Variants in PLCG1 observed in about 807,000 individuals in gnomAD.
PLCG1 encodes 1-phosphatidylinositol 4,5-bisphosphate phosphodiesterase gamma-1.
A neutral mutation model predicts 177.8 loss-of-function variants in PLCG1; 71 were observed. That is an observed-to-expected ratio of 0.40 (90% CI 0.33 to 0.49). The LOEUF (loss-of-function observed/expected upper bound fraction) is 0.49. Ranked by LOEUF, PLCG1 falls within the 20% of genes least tolerant of loss-of-function variation. The pLI is 0.72. For synonymous variants in PLCG1, 658 were observed against 647.9 expected (o/e 1.02, Z -0.24); for missense variants, 1,281 against 1,709.0 (o/e 0.75, Z 4.42).
At chr20:41,139,234 C>T (rs985196923) in intron 1 of PLCG1, among the ~76,000 whole-genome samples, 5 of 152,196 alleles carry the variant, frequency 3.3e-5, no homozygotes, top group Admixed American at 2.6e-4. Flanking sequence ...CCCACTGACC[C>T]TGTCAGCCAT....
Position 41,162,691 on chromosome 20 carries a change from T to G in PLCG1, c.647T>G (p.Leu216Arg). 6.2e-7 allele frequency: 1 copy of G among 1,613,934 alleles called. No homozygotes were observed. Residue 216 changes from leucine to arginine, a missense_variant, in exon 6 of 32, where the codon CTG becomes CGG. Leu to Arg is a moderately radical substitution (Grantham distance 102). Around this residue, in one of 4 missense-constraint regions of PLCG1, gnomAD observed 374 missense variants for 443.8 expected, o/e 0.84. Transcript: ENST00000685551. The part of the protein sequence containing the change: ...GDITYGQFAQ[L>R]YRSLMYSAQK... ...ATCACCTACGGGCAGTTTGCTCAGC[T>G]GTACCGCAGCCTCATGTACAGCGCC...
intron 1 of PLCG1, among the ~76,000 whole-genome samples, chr20:41,143,990 C>T (rs1344895392): frequency 2.6e-5 from 4 of 152,236 alleles, no homozygotes; most frequent in South Asian, 4.1e-4. Flanking sequence ...CTCCAACAAC[C>T]TGGGCTAGGA....
intron 1 of PLCG1, among the ~76,000 whole-genome samples, chr20:41,139,159 CCAGATCTGACA>C (rs1224647103): frequency 6.6e-6 from 1 of 152,186 alleles, no homozygotes; most frequent in Non-Finnish European, 1.5e-5. Context: ...GCTACAAACT[CCAGATCTGACA>C]CAGATCTAAT....
Position 41,164,157 on chromosome 20 carries a change from A to C in PLCG1, c.1173A>C (p.Ser391=). ...CCCTTACCACCAAGATCAAGTTCTC[A>C]GATGTCCTGCACACCATCAAGGAGC... ...GHTLTTKIKF[S]DVLHTIKEHA... The change falls in exon 12 of 32, where the codon TCA becomes TCC. Residue 391 remains serine (S), a synonymous_variant. Coordinates refer to ENST00000685551, the MANE Select transcript of PLCG1 (RefSeq NM_002660.3). The surrounding 1 kb of genome is among the most constrained non-coding windows in gnomAD (Gnocchi z 6.4). 10 of 1,614,054 alleles carry C rather than the reference A, an allele frequency of 6.2e-6. No homozygotes were observed. Among genetic ancestry groups the C allele is most frequent in the Non-Finnish European group, 8.5e-6 (10 of 1,179,958 alleles).
At chr20:41,149,632 C>G (rs999969540) in intron 1 of PLCG1, among the ~76,000 whole-genome samples, 5 of 152,094 alleles carry the variant, frequency 3.3e-5, no homozygotes, top group African/African-American at 1.2e-4. Flanking sequence ...GGCTAGAGAC[C>G]TGTTTGTGAA....
Position 41,166,108 on chromosome 20 carries a change from G to A in PLCG1, c.1800-86G>A. 1 of 1,218,478 alleles carries A rather than the reference G, an allele frequency of 8.2e-7. No individual in the cohort carries two copies. Among genetic ancestry groups the A allele is most frequent in the Non-Finnish European group, 1.2e-6 (1 of 850,256 alleles). 75.5% of individuals were successfully genotyped at this position (1,218,478 alleles called of 1,614,324 possible). A position where few individuals can be genotyped will look rare whatever the true frequency, so the allele number is the denominator to read the frequency against. The stretch of plus-strand genomic sequence containing the variant: ...CCTCCCTCCTTGAGGCTCCCTCCTT[G>A]AGTTCCACCCTCATTTGGGGTGGAA... On this transcript the variant is annotated intron_variant, in intron 16 of 31. Transcript: ENST00000685551. This position sits in a 1 kb window ranked among gnomAD's most constrained non-coding sequence, Gnocchi z 8.6.
rs1208880048 is a variant in PLCG1 at position 41,146,664 on chromosome 20, A to G, written c.217+8806A>G. 6.6e-6 allele frequency among the ~76,000 whole-genome samples: 1 copy of G among 152,162 alleles called. No homozygotes were observed. The highest frequency in any genetic ancestry group is 1.5e-5 in the Non-Finnish European group (1 of 68,024). On this transcript the variant is annotated intron_variant, in intron 1 of 31. Transcript: ENST00000685551. The surrounding 1 kb of genome is among the most constrained non-coding windows in gnomAD (Gnocchi z 6.3). The stretch of plus-strand genomic sequence containing the variant: ...TGGGGTTGGCTTCCTGTTTTCTTGG[A>G]CACCTGGGGATATGGTTGAGTTAAA...
Position 41,173,869 on chromosome 20 carries a change from G to A in PLCG1, c.3557-54G>A. The A allele has an allele frequency of 6.2e-7, 1 of 1,609,278 alleles. No homozygotes were observed. On this transcript the variant is annotated intron_variant, in intron 29 of 31. Coordinates refer to ENST00000685551, the MANE Select transcript of PLCG1 (RefSeq NM_002660.3). The surrounding 1 kb of genome is among the most constrained non-coding windows in gnomAD (Gnocchi z 6.2). ...GCAATCTTGCTGGCAGGGTGGGGCT[G>A]GGCCCCTTGCTCTGTCCCTCGTGGG...
chr20:41,169,116 T>C lies in PLCG1; in HGVS notation c.2521T>C (p.Phe841Leu). 6.2e-7 allele frequency: 1 copy of C among 1,614,026 alleles called. No individual in the cohort carries two copies. The highest frequency in any genetic ancestry group is 8.5e-7 in the Non-Finnish European group (1 of 1,179,908). Residue 841 changes from phenylalanine to leucine, a missense_variant, in exon 22 of 32, where the codon TTC becomes CTC. Coordinates refer to ENST00000685551, the MANE Select transcript of PLCG1 (RefSeq NM_002660.3). ...GDYGGKKQLW[F>L]PSNYVEEMVN... Reference sequence around the variant, plus strand: ...CTACGGAGGGAAGAAGCAGCTGTGGTTCCCATCAAACTACGTGGAAGAGAT... The same window carrying C: ...CTACGGAGGGAAGAAGCAGCTGTGGCTCCCATCAAACTACGTGGAAGAGAT...
Position 41,146,599 on chromosome 20 carries a change from T to C in PLCG1, c.217+8741T>C, listed in dbSNP as rs1031497027. On this transcript the variant is annotated intron_variant, in intron 1 of 31. Transcript: ENST00000685551. This position sits in a 1 kb window ranked among gnomAD's most constrained non-coding sequence, Gnocchi z 6.3. ...TGGCGAGTTTGGCCACTTGTTTGTG[T>C]GTGTTTAGTTCTTCCTGGGCACAGG... 2.0e-5 allele frequency among the ~76,000 whole-genome samples: 3 copies of C among 152,280 alleles called. No homozygotes were observed. The highest frequency in any genetic ancestry group is 1.9e-4 in the East Asian group (1 of 5,182).
chr20:41,141,144 A>G (rs1395133713), intron 1 of PLCG1, among the ~76,000 whole-genome samples: 1 of 152,158 alleles, frequency 6.6e-6, no homozygotes, highest in Admixed American at 6.5e-5. Context: ...GAGGTTGTCC[A>G]TTTGAGGGTC....
intron 1 of PLCG1, among the ~76,000 whole-genome samples, chr20:41,145,865 C>T (rs963693724): frequency 2.0e-5 from 3 of 152,170 alleles, no homozygotes; most frequent in African/African-American, 7.2e-5. Flanking sequence ...TTAATATTCT[C>T]GCACCCCTCC....
chr20:41,155,338 G>A (rs2035287123), intron 1 of PLCG1, among the ~76,000 whole-genome samples: 1 of 152,192 alleles, frequency 6.6e-6, no homozygotes, highest in African/African-American at 2.4e-5. Context: ...ACATGTAAGG[G>A]TCTGTTGTGG....
intron 1 of PLCG1, among the ~76,000 whole-genome samples, chr20:41,140,559 T>C (rs1399929280): frequency 6.6e-6 from 1 of 152,178 alleles, no homozygotes; most frequent in African/African-American, 2.4e-5. Flanking sequence ...TAAGGAGCAC[T>C]CATACTGATA....
intron 1 of PLCG1, among the ~76,000 whole-genome samples, chr20:41,158,015 G>T (rs994070092): frequency 2.6e-5 from 4 of 152,170 alleles, no homozygotes; most frequent in African/African-American, 7.2e-5. Context: ...AGGGAAAACA[G>T]CAGAAAAGGC....
chr20:41,171,951 CCCT>C (rs1568757501), intron 24 of PLCG1, among the ~76,000 whole-genome samples: 1 of 152,184 alleles, frequency 6.6e-6, no homozygotes, highest in Non-Finnish European at 1.5e-5. Context: ...CCCCCACCCC[CCCT>C]AAGAGGGTTG....
rs972734924 is a variant in PLCG1 at position 41,170,453 on chromosome 20, T to G, written c.2808+184T>G. On this transcript the variant is annotated intron_variant, in intron 24 of 31. Coordinates refer to ENST00000685551, the MANE Select transcript of PLCG1 (RefSeq NM_002660.3). ...CAGACACATAAGATGCAATGTGGTGTGTTTAGGTTGTGTTGAGTTTGAGAT... is the reference window on the plus strand; with the variant it reads ...CAGACACATAAGATGCAATGTGGTGGGTTTAGGTTGTGTTGAGTTTGAGAT... 8.1e-6 allele frequency: 5 copies of G among 618,358 alleles called. No homozygotes were observed. In the Admixed American group the frequency reaches 1.5e-4, roughly 19 times the overall value. 38.3% of individuals were successfully genotyped at this position (618,358 alleles called of 1,614,324 possible).
Position 41,163,920 on chromosome 20 carries a change from G to C in PLCG1, c.1011-1G>C, listed in dbSNP as rs2146040352. The stretch of plus-strand genomic sequence containing the variant: ...CTACCTGCCTCTCCTTGCCTATCCA[G>C]GTACCTGACCGGGGACCAGTTCTCC... On this transcript the variant is annotated splice_acceptor_variant, in intron 10 of 31. Transcript: ENST00000685551. LOFTEE classifies it high-confidence loss of function. This position sits in a 1 kb window ranked among gnomAD's most constrained non-coding sequence, Gnocchi z 5.2. 6.2e-7 allele frequency: 1 copy of C among 1,614,040 alleles called. No individual in the cohort carries two copies. Among genetic ancestry groups the C allele is most frequent in the Non-Finnish European group, 8.5e-7 (1 of 1,179,976 alleles).
chr20:41,166,812 C>T lies in PLCG1; in HGVS notation c.2254C>T (p.Leu752=). Residue 752 remains leucine (L), a synonymous_variant, in exon 19 of 32, where the codon CTG becomes TTG. Transcript: ENST00000685551. The surrounding 1 kb of genome is among the most constrained non-coding windows in gnomAD (Gnocchi z 8.6). ...ACACCCGCTATACCGCAAGATGAAGCTGCGCTATCCCATCAACGAGGAGGC... is the reference window on the plus strand; with the variant it reads ...ACACCCGCTATACCGCAAGATGAAGTTGCGCTATCCCATCAACGAGGAGGC... The part of the protein sequence containing the change: ...EKHPLYRKMK[L]RYPINEEALE... 1.2e-6 allele frequency: 2 copies of T among 1,614,156 alleles called. No homozygotes were observed. Among genetic ancestry groups the T allele is most frequent in the Non-Finnish European group, 1.7e-6 (2 of 1,180,014 alleles).
Sources: allele counts gnomAD v4.1 joint callset (sites outside exome capture counted in the v4.1 genomes callset), GRCh38; gene constraint gnomAD v4.1.1; regional missense constraint gnomAD v4.1.1; non-coding constraint Gnocchi (gnomAD v3.1); transcripts MANE v1.5; gene names NCBI Gene and HGNC (gene_info 2026-07-23, HGNC 2026-07-21).